Variants in ZNF28 observed in about 807,000 individuals in gnomAD.
The protein encoded by ZNF28 is zinc finger protein KOX24.
ZNF28 carries 5 observed loss-of-function variants against 7.2 expected under a neutral mutation model. That is an observed-to-expected ratio of 0.70 (90% CI 0.36 to 1.46). The LOEUF is 1.46. ZNF28 is among the 40% of genes most tolerant of loss of function. The pLI, the probability that ZNF28 is intolerant of heterozygous loss-of-function variation, is 0.03. For missense variants in ZNF28, 879 were observed against 866.6 expected (o/e 1.01, Z -0.18); for synonymous variants, 288 against 292.4 (o/e 0.99, Z 0.15).
At chr19:52,812,734 T>G (rs1600469074) in intron 2 of ZNF28, among the ~76,000 whole-genome samples, 1 of 91,774 alleles carries the variant, frequency 1.1e-5, no homozygotes. Flanking sequence ...CAAATCCCCC[T>G]CTGCGAGAAA....
chr19:52,816,794 G>T (rs2063130289), intron 2 of ZNF28, among the ~76,000 whole-genome samples: 1 of 151,428 alleles, frequency 6.6e-6, no homozygotes, highest in African/African-American at 2.4e-5. Flanking sequence ...TCATGCCACT[G>T]CACTGCAGCC....
At chr19:52,821,442 G>C (rs113597786) in intron 1 of ZNF28, 144 bp downstream of exon 1, 1 of 152,246 alleles carries the variant, frequency 6.6e-6, no homozygotes, top group Admixed American at 6.5e-5. Flanking sequence ...GGGGCTTCCG[G>C]ACTCCCAGTA....
In ZNF28 at chr19:52,799,018, G is replaced by T; in HGVS notation, c.*670C>A. 2 of 747,770 alleles carry T rather than the reference G, an allele frequency of 2.7e-6. No homozygotes were observed. The highest frequency in any genetic ancestry group is 4.2e-5 in the East Asian group (1 of 24,086). 46.3% of individuals were successfully genotyped at this position (747,770 alleles called of 1,614,324 possible). On this transcript the variant is annotated 3_prime_UTR_variant, in exon 4 of 4. Coordinates refer to ENST00000457749, the MANE Select transcript of ZNF28 (RefSeq NM_006969.5). ...AAGCCTTGTTACAAACCTTACATTT[G>T]TATGTTTTTTCTCCAGTATGAATTC... is the stretch of plus-strand genomic sequence containing the variant.
At chr19:52,808,265 A>G (rs1398219958) in intron 2 of ZNF28, 132 bp from the exon 3 acceptor site, 1 of 1,494,124 alleles carries the variant, frequency 6.7e-7, no homozygotes, top group South Asian at 1.4e-5. Flanking sequence ...CGGATTTTTC[A>G]CCACATGATG....
intron 3 of ZNF28, among the ~76,000 whole-genome samples, chr19:52,806,348 G>A (rs1168886449): frequency 4.6e-5 from 7 of 151,748 alleles, no homozygotes; most frequent in Non-Finnish European, 1.0e-4. Context: ...CACCCACCAC[G>A]GCGCCTGGCT....
In ZNF28 at chr19:52,799,299, T is replaced by C; in HGVS notation, c.*389A>G. 1.1e-5 allele frequency: 5 copies of C among 437,066 alleles called. No homozygotes were observed. The highest frequency in any genetic ancestry group is 1.0e-4 in the South Asian group (4 of 39,520). 27.1% of individuals were successfully genotyped at this position (437,066 alleles called of 1,614,324 possible). On this transcript the variant is annotated 3_prime_UTR_variant, in exon 4 of 4. Coordinates refer to ENST00000457749, the MANE Select transcript of ZNF28 (RefSeq NM_006969.5). The stretch of plus-strand genomic sequence containing the variant: ...TTTCTCTCCAGTTTGAATTCTAATA[T>C]GTTTTGCCAGGTATGAATTATATTC...
At position 52,800,964 on chromosome 19, in the gene ZNF28, G is replaced by GT. The variant is rs766099133; in HGVS notation, c.880dup (p.Thr294AsnfsTer7). ...TTCACATTCATAAGGTTTGTCTGCA[G>GT]TATGAAGCGCCTTGTGAAGGAAGAG... On this transcript the variant is annotated frameshift_variant, in exon 4 of 4. Coordinates refer to ENST00000457749, the MANE Select transcript of ZNF28 (RefSeq NM_006969.5). LOFTEE classifies it low-confidence loss of function (END_TRUNC). The GT allele has an allele frequency of 5.2e-5, 84 of 1,614,020 alleles. No homozygotes were observed. The highest frequency in any genetic ancestry group is 6.9e-5 in the Non-Finnish European group (82 of 1,180,034).
rs2062855016 is a variant in ZNF28 at position 52,800,695 on chromosome 19, C to T, written c.1150G>A (p.Glu384Lys). ...RRLHTGEKPYECEECEKVFSR... is the reference protein window; with the variant it reads ...RRLHTGEKPYKCEECEKVFSR... ...AAAACTTTTTCACATTCTTCACATT[C>T]ATAAGGTTTCTCTCCAGTATGAAGC... Residue 384 changes from glutamate (E) to lysine (K), a missense_variant, in exon 4 of 4, where the codon GAA becomes AAA. Transcript: ENST00000457749. 1 of 1,611,062 alleles carries T rather than the reference C, an allele frequency of 6.2e-7. No individual in the cohort carries two copies.
Position 52,819,353 on chromosome 19 carries a change from G to C in ZNF28, c.-73-1322C>G, listed in dbSNP as rs150399876. Among the ~76,000 whole-genome samples the C allele has an allele frequency of 3.9e-3, 566 of 145,518 alleles. 77 individuals carry two copies. The highest frequency in any genetic ancestry group is 0.014 in the African/African-American group (536 of 37,584). ...AATACAGACAAAGTCCTCCGAAGAT[G>C]GTCTCTCTTTCTGAGTCTACCACTC... On this transcript the variant is annotated intron_variant, in intron 1 of 3. Transcript: ENST00000457749.
chr19:52,802,444 G>GC (rs1280737463), intron 3 of ZNF28, among the ~76,000 whole-genome samples: 3 of 152,042 alleles, frequency 2.0e-5, no homozygotes, highest in Non-Finnish European at 4.4e-5. Flanking sequence ...CTTCTAGAGG[G>GC]CAAGGCAGGC....
Position 52,799,375 on chromosome 19 carries a change from T to G in ZNF28, c.*313A>C. ...CTGTGTGGTTTCTCTTCAGCATGCA[T>G]TTTCTTATGTGTTTCAAGGTTTGAT... is the stretch of plus-strand genomic sequence containing the variant. On this transcript the variant is annotated 3_prime_UTR_variant, in exon 4 of 4. Coordinates refer to ENST00000457749, the MANE Select transcript of ZNF28 (RefSeq NM_006969.5). 3 of 576,422 alleles carry G rather than the reference T, an allele frequency of 5.2e-6. No homozygotes were observed. The highest frequency in any genetic ancestry group is 3.1e-5 in the East Asian group (1 of 32,662). 35.7% of individuals were successfully genotyped at this position (576,422 alleles called of 1,614,324 possible).
intron 3 of ZNF28, among the ~76,000 whole-genome samples, chr19:52,802,822 A>G (rs538759482): frequency 7.0e-6 from 1 of 142,030 alleles, no homozygotes; most frequent in Non-Finnish European, 1.5e-5. Context: ...GTGCAGTGGC[A>G]TGATCTCGGC....
At position 52,816,834 on chromosome 19, in the gene ZNF28, AAATAAT is replaced by A. The variant is rs34015590; in HGVS notation, c.15+1104_15+1109del. Among the ~76,000 whole-genome samples, 998 of 138,418 alleles carry A rather than the reference AAATAAT, an allele frequency of 7.2e-3. 9 individuals carry two copies. Among genetic ancestry groups the A allele is most frequent in the South Asian group, 0.023 (101 of 4,302 alleles). 90.8% of individuals were successfully genotyped at this position (138,418 alleles called of 152,430 possible). Reference sequence around the variant, plus strand: ...CAACAAAGCAAGACTCCGTTTCAGAAAATAATAATAATAATAATAATAATAATAATA... The same window carrying A: ...CAACAAAGCAAGACTCCGTTTCAGAAAATAATAATAATAATAATAATAATA... On this transcript the variant is annotated intron_variant, in intron 2 of 3. Coordinates refer to ENST00000457749, the MANE Select transcript of ZNF28 (RefSeq NM_006969.5).
intron 2 of ZNF28, among the ~76,000 whole-genome samples, chr19:52,811,062 GTT>G (rs751626547): frequency 7.7e-5 from 11 of 142,232 alleles, no homozygotes; most frequent in East Asian, 4.1e-4. Context: ...ACTGGTTTTC[GTT>G]TTTTTTTTTG....
Position 52,800,253 on chromosome 19 carries a change from A to C in ZNF28, c.1592T>G (p.Val531Gly). The C allele has an allele frequency of 6.2e-7, 1 of 1,610,124 alleles. No homozygotes were observed. Among genetic ancestry groups the C allele is most frequent in the Non-Finnish European group, 8.5e-7 (1 of 1,179,174 alleles). Residue 531 changes from valine (V) to glycine (G), a missense_variant, in exon 4 of 4, where the codon GTT (valine) becomes GGT (glycine). This residue lies in a region of ZNF28 where 864 missense variants were observed against 830.2 expected (regional missense o/e 1.04). Coordinates refer to ENST00000457749, the MANE Select transcript of ZNF28 (RefSeq NM_006969.5). Reference sequence around the variant, plus strand: ...TGCAAGGTTTGCTTTTGTACTAAAAACCTTGCCACATTCATTACACATGTA... The same window carrying C: ...TGCAAGGTTTGCTTTTGTACTAAAACCCTTGCCACATTCATTACACATGTA... ...KPYMCNECGK[V>G]FSTKANLACH...
rs1202556658 is a variant in ZNF28 at position 52,818,888 on chromosome 19, A to G, written c.-73-857T>C. Among the ~76,000 whole-genome samples, 11 of 29,720 alleles carry G rather than the reference A, an allele frequency of 3.7e-4. 2 individuals are homozygous for G. The highest frequency in any genetic ancestry group is 2.5e-3 in the Admixed American group (9 of 3,572). 19.5% of individuals were successfully genotyped at this position (29,720 alleles called of 152,430 possible). ...GACAGAATGAGAGTCTGTTTGGGAA[A>G]AAAAAAAAAAAAAAAAGTGCATTTC... is the stretch of plus-strand genomic sequence containing the variant. On this transcript the variant is annotated intron_variant, in intron 1 of 3. Transcript: ENST00000457749.
intron 2 of ZNF28, chr19:52,809,904 C>G (rs1398683179): frequency 1.2e-6 from 1 of 827,740 alleles, no homozygotes; most frequent in Admixed American, 2.0e-5. Flanking sequence ...GCGGCGCCAT[C>G]TTGTGCCCGG....
rs75639798 is a variant in ZNF28, at chr19:52,818,953, T to C, written c.-73-922A>G. Among the ~76,000 whole-genome samples, 15 of 138,144 alleles carry C rather than the reference T, an allele frequency of 1.1e-4. 1 individual carries two copies. The highest frequency in any genetic ancestry group is 2.6e-4 in the South Asian group (1 of 3,774). The allele number at this position is 138,144 out of a possible 152,430, so 90.6% of individuals were successfully genotyped here. On this transcript the variant is annotated intron_variant, in intron 1 of 3. Transcript: ENST00000457749. The stretch of plus-strand genomic sequence containing the variant: ...CAGAGATAAGAAGACTTGAGTAATG[T>C]GATAGACACTGATGGGCAGAGGGAA...
intron 3 of ZNF28, among the ~76,000 whole-genome samples, chr19:52,803,664 A>G (rs1251184208): frequency 1.3e-5 from 2 of 152,186 alleles, no homozygotes; most frequent in Non-Finnish European, 1.5e-5. Flanking sequence ...ACAGCATTAT[A>G]AAGAATGAGA....
Sources: allele counts gnomAD v4.1 joint callset (sites outside exome capture counted in the v4.1 genomes callset), GRCh38; gene constraint gnomAD v4.1.1; regional missense constraint gnomAD v4.1.1; transcripts MANE v1.5; gene names NCBI Gene and HGNC (gene_info 2026-07-23, HGNC 2026-07-21).